RGL2: variants seen among roughly 807,000 people sequenced by gnomAD.
RGL2 encodes the protein ral guanine nucleotide dissociation stimulator-like 2.
In RGL2, 40 loss-of-function variants were observed where a neutral mutation model predicts 84.6. The ratio of observed to expected loss-of-function variants is 0.47; its 90% CI spans 0.37 to 0.62. The LOEUF is 0.62. Ranked by LOEUF, RGL2 falls within the 20% of genes least tolerant of loss-of-function variation. RGL2 has a pLI of 0.00. For synonymous variants in RGL2, 369 were observed against 417.3 expected, an observed-to-expected ratio of 0.88 and a Z score of 1.41; for missense variants, 865 against 1,019.7, an observed-to-expected ratio of 0.85 and a Z score of 2.07.
rs202209794 is a variant in RGL2, at chr6:33,295,314, C to T, written c.1124+5G>A. 72 of 1,567,512 alleles carry T rather than the reference C, an allele frequency of 4.6e-5. No individual in the cohort carries two copies. In the Admixed American group the frequency reaches 5.1e-4, roughly 11 times the overall value. The stretch of plus-strand genomic sequence containing the variant: ...CACCCCAGTCCAATGCCTCAGCCTC[C>T]GCACCTGGTTGCTTCCCCCCAGGCT... On this transcript the variant is annotated splice_donor_5th_base_variant and intron_variant, in intron 8 of 17. Transcript: ENST00000497454. This position sits in a 1 kb window ranked among gnomAD's most constrained non-coding sequence, Gnocchi z 7.2.
rs754688142 is a variant in RGL2 at position 33,296,627 on chromosome 6, C to T, written c.390G>A (p.Thr130=). The T allele has an allele frequency of 2.5e-6, 4 of 1,613,720 alleles. No individual in the cohort carries two copies. The highest frequency in any genetic ancestry group is 1.1e-5 in the South Asian group (1 of 91,050). The change falls in exon 4 of 18, where the codon ACG becomes ACA. Residue 130 remains threonine, a synonymous_variant. Coordinates refer to ENST00000497454, the MANE Select transcript of RGL2 (RefSeq NM_004761.5). This position sits in a 1 kb window ranked among gnomAD's most constrained non-coding sequence, Gnocchi z 5.0. ...CAGCCATAAGCCCTAGCAAGGCAGG[C>T]GTGGAGGTGAAGGCCCGGTGGGTAG... ...FLATHRAFTS[T]PALLGLMADR...
In RGL2 at chr6:33,295,128, T is replaced by C. The variant is rs775095711; in HGVS notation, c.1208A>G (p.Gln403Arg). 5.6e-6 allele frequency: 9 copies of C among 1,606,780 alleles called. No homozygotes were observed. Among genetic ancestry groups the C allele is most frequent in the Non-Finnish European group, 7.6e-6 (9 of 1,176,504 alleles). The change falls in exon 9 of 18, where the codon CAG (glutamine) becomes CGG (arginine). Residue 403 changes from glutamine to arginine, a missense_variant and splice_region_variant. Transcript: ENST00000497454. This position sits in a 1 kb window ranked among gnomAD's most constrained non-coding sequence, Gnocchi z 7.2. ...GAATGCCACAAACCAGGCTCTCACC[T>C]GCACGAGCAGCTCCCGACTCTGGGA... The part of the protein sequence containing the change: ...NYSQSRELLV[Q>R]EVKLQSPLEP...
At position 33,298,634 on chromosome 6, in the gene RGL2, G is replaced by A; in HGVS notation, c.-24C>T. The A allele has an allele frequency of 7.0e-7, 1 of 1,436,172 alleles. No individual in the cohort carries two copies. Among genetic ancestry groups the A allele is most frequent in the Non-Finnish European group, 9.1e-7 (1 of 1,094,506 alleles). 89.0% of individuals were successfully genotyped at this position (1,436,172 alleles called of 1,614,324 possible). A position where few individuals can be genotyped will look rare whatever the true frequency, so the allele number is the denominator to read the frequency against. ...ATGGCCGAGTGAAGGAATCAGCGGGGTCGGGCCATGGGGGCGCCTGGGGAG... is the reference window on the plus strand; with the variant it reads ...ATGGCCGAGTGAAGGAATCAGCGGGATCGGGCCATGGGGGCGCCTGGGGAG... On this transcript the variant is annotated 5_prime_UTR_variant, in exon 2 of 18. Coordinates refer to ENST00000497454, the MANE Select transcript of RGL2 (RefSeq NM_004761.5). This position sits in a 1 kb window ranked among gnomAD's most constrained non-coding sequence, Gnocchi z 4.8.
In RGL2 at chr6:33,293,072, T is replaced by TA; in HGVS notation, c.1950dup (p.Ile651TyrfsTer16). On this transcript the variant is annotated frameshift_variant, in exon 16 of 18. Coordinates refer to ENST00000497454, the MANE Select transcript of RGL2 (RefSeq NM_004761.5). LOFTEE classifies it high-confidence loss of function. This position sits in a 1 kb window ranked among gnomAD's most constrained non-coding sequence, Gnocchi z 7.0. ...CCCAACTCCATCTGGACTCGGATGATACGGCAATCAGAGGCCCCTGGCCCA... is the reference window on the plus strand; with the variant it reads ...CCCAACTCCATCTGGACTCGGATGATAACGGCAATCAGAGGCCCCTGGCCCA... The TA allele has an allele frequency of 6.2e-7, 1 of 1,614,186 alleles. No individual in the cohort carries two copies. Among genetic ancestry groups the TA allele is most frequent in the African/African-American group, 1.3e-5 (1 of 75,054 alleles).
chr6:33,298,569 G>A lies in RGL2; in HGVS notation c.42C>T (p.Pro14=). 1 of 1,470,736 alleles carries A rather than the reference G, an allele frequency of 6.8e-7. No individual in the cohort carries two copies. The allele number at this position is 1,470,736 out of a possible 1,614,324, so 91.1% of individuals were successfully genotyped here. A position where few individuals can be genotyped will look rare whatever the true frequency, so the allele number is the denominator to read the frequency against. The change falls in exon 2 of 18, where the codon CCC becomes CCT. Residue 14 remains proline (P), a synonymous_variant. Coordinates refer to ENST00000497454, the MANE Select transcript of RGL2 (RefSeq NM_004761.5). This position sits in a 1 kb window ranked among gnomAD's most constrained non-coding sequence, Gnocchi z 4.8. ...RPLRLLLDTS[P]PGGVVLSSFR... ...AGCTGCTCAGTACGACTCCCCCGGG[G>A]GGGCTCGTGTCCAAAAGCAGCCGCA...
chr6:33,294,139 C>T lies in RGL2; in HGVS notation c.1354-73G>A, dbSNP rs1164165292. 1 of 1,539,846 alleles carries T rather than the reference C, an allele frequency of 6.5e-7. No individual in the cohort carries two copies. Among genetic ancestry groups the T allele is most frequent in the African/African-American group, 1.4e-5 (1 of 73,134 alleles). On this transcript the variant is annotated intron_variant, in intron 11 of 17. Transcript: ENST00000497454. The surrounding 1 kb of genome is among the most constrained non-coding windows in gnomAD (Gnocchi z 5.0). Reference sequence around the variant, plus strand: ...GCCACAGAGAGAGAATATCCCCTCTCTTAAACACACACAGCCACATCCAAC... The same window carrying T: ...GCCACAGAGAGAGAATATCCCCTCTTTTAAACACACACAGCCACATCCAAC...
At position 33,298,572 on chromosome 6, in the gene RGL2, G is replaced by A. The variant is rs953751652; in HGVS notation, c.39C>T (p.Ser13=). 7 of 1,469,146 alleles carry A rather than the reference G, an allele frequency of 4.8e-6. No homozygotes were observed. Among genetic ancestry groups the A allele is most frequent in the Non-Finnish European group, 4.5e-6 (5 of 1,110,360 alleles). The allele number at this position is 1,469,146 out of a possible 1,614,324, so 91.0% of individuals were successfully genotyped here. Residue 13 remains serine, a synonymous_variant, in exon 2 of 18, where the codon AGC becomes AGT. Transcript: ENST00000497454. The surrounding 1 kb of genome is among the most constrained non-coding windows in gnomAD (Gnocchi z 4.8). ...TGCTCAGTACGACTCCCCCGGGGGG[G>A]CTCGTGTCCAAAAGCAGCCGCAGGG... The part of the protein sequence containing the change: ...PRPLRLLLDT[S]PPGGVVLSSF...
rs368396447 is a variant in RGL2 at position 33,292,071 on chromosome 6, A to G, written c.*31T>C. 4.4e-5 allele frequency: 71 copies of G among 1,611,004 alleles called. No individual in the cohort carries two copies. In the African/African-American group the frequency reaches 8.0e-4, roughly 18 times the overall value. On this transcript the variant is annotated 3_prime_UTR_variant, in exon 18 of 18. Coordinates refer to ENST00000497454, the MANE Select transcript of RGL2 (RefSeq NM_004761.5). ...GCTACCCACATCTGGTATGAACACC[A>G]TGACTTCTGTAAGCCAACGGGGCTT...
chr6:33,299,071 G>A (rs951267681), upstream of RGL2: 4 of 153,726 alleles, frequency 2.6e-5, no homozygotes, highest in African/African-American at 9.6e-5. The surrounding 1 kb of genome is among the most constrained non-coding windows in gnomAD (Gnocchi z 5.0). Flanking sequence ...AGTGAGGACA[G>A]GAGCCAGGGC....
chr6:33,298,616 A>G lies in RGL2; in HGVS notation c.-6T>C. 1 of 1,361,672 alleles carries G rather than the reference A, an allele frequency of 7.3e-7. No homozygotes were observed. Among genetic ancestry groups the G allele is most frequent in the South Asian group, 1.4e-5 (1 of 71,068 alleles). The allele number at this position is 1,361,672 out of a possible 1,614,324, so 84.3% of individuals were successfully genotyped here. On this transcript the variant is annotated 5_prime_UTR_variant, in exon 2 of 18. Transcript: ENST00000497454. This position sits in a 1 kb window ranked among gnomAD's most constrained non-coding sequence, Gnocchi z 4.8. ...CGCAGGGGCCGCGGGAGCATGGCCG[A>G]GTGAAGGAATCAGCGGGGTCGGGCC...
chr6:33,298,834 C>A lies in RGL2; in HGVS notation c.-42+36G>T. 2.6e-6 allele frequency: 1 copy of A among 380,866 alleles called. No homozygotes were observed. The highest frequency in any genetic ancestry group is 4.6e-6 in the Non-Finnish European group (1 of 218,024). 23.6% of individuals were successfully genotyped at this position (380,866 alleles called of 1,614,324 possible). ...GTGCTGTTGGGGAAGGAGGAGGTCA[C>A]GAGTACGGGGACGCGCAGGGTGCTC... On this transcript the variant is annotated intron_variant, in intron 1 of 17. Transcript: ENST00000497454. This position sits in a 1 kb window ranked among gnomAD's most constrained non-coding sequence, Gnocchi z 4.8.
chr6:33,298,208 G>A lies in RGL2; in HGVS notation c.156+247C>T. 1 of 433,336 alleles carries A rather than the reference G, an allele frequency of 2.3e-6. No individual in the cohort carries two copies. The highest frequency in any genetic ancestry group is 4.2e-6 in the Non-Finnish European group (1 of 236,450). 26.8% of individuals were successfully genotyped at this position (433,336 alleles called of 1,614,324 possible). ...AGAGGTGGAGGGCCAAAGACCCGCAGGGACAGGACAGCCAGCCAGAAGTTC... is the reference window on the plus strand; with the variant it reads ...AGAGGTGGAGGGCCAAAGACCCGCAAGGACAGGACAGCCAGCCAGAAGTTC... On this transcript the variant is annotated intron_variant, in intron 2 of 17. Transcript: ENST00000497454. This position sits in a 1 kb window ranked among gnomAD's most constrained non-coding sequence, Gnocchi z 4.8.
Position 33,296,157 on chromosome 6 carries a change from G to C in RGL2, c.639C>G (p.Ser213=). The change falls in exon 6 of 18, where the codon TCC becomes TCG. Residue 213 remains serine, a synonymous_variant. Transcript: ENST00000497454. This position sits in a 1 kb window ranked among gnomAD's most constrained non-coding sequence, Gnocchi z 5.0. ...GGTCGGGGGCCTGGGGGTCCACCCG[G>C]GACCGGAGATTGCGGATGAGGTCAG... ...GSADLIRNLR[S]RVDPQAPDLP... is the part of the protein sequence containing the mutation. 1 of 1,614,006 alleles carries C rather than the reference G, an allele frequency of 6.2e-7. No individual in the cohort carries two copies. Among genetic ancestry groups the C allele is most frequent in the Non-Finnish European group, 8.5e-7 (1 of 1,180,016 alleles).
In RGL2 at chr6:33,298,457, C is replaced by A. The variant is rs1184138360; in HGVS notation, c.154G>T (p.Glu52Ter). ...ACCTCCCACCACCCGCGTCTCACCT[C>A]TTCTTCTTCCTCCTCCTCTTCCTCC... ...GQEEEEEEEE[E>*]APVSVWDEEE... The change falls in exon 2 of 18, where the codon GAG becomes TAG. Residue 52 changes from glutamate to a stop codon, truncating the protein, a stop_gained and splice_region_variant. Transcript: ENST00000497454. LOFTEE classifies it high-confidence loss of function. This position sits in a 1 kb window ranked among gnomAD's most constrained non-coding sequence, Gnocchi z 4.8. 2 of 1,486,240 alleles carry A rather than the reference C, an allele frequency of 1.3e-6. No homozygotes were observed. Among genetic ancestry groups the A allele is most frequent in the South Asian group, 1.2e-5 (1 of 82,374 alleles). 92.1% of individuals were successfully genotyped at this position (1,486,240 alleles called of 1,614,324 possible). A position where few individuals can be genotyped will look rare whatever the true frequency, so the allele number is the denominator to read the frequency against.
chr6:33,298,967 C>G (rs2150949280), upstream of RGL2: 1 of 199,140 alleles, frequency 5.0e-6, no homozygotes, highest in South Asian at 1.5e-4. The surrounding 1 kb of genome is among the most constrained non-coding windows in gnomAD (Gnocchi z 4.8). Context: ...TCCGTACCCC[C>G]TTGAACCCCC....
In RGL2 at chr6:33,296,538, T is replaced by C; in HGVS notation, c.419+60A>G. 2 of 1,585,836 alleles carry C rather than the reference T, an allele frequency of 1.3e-6. No homozygotes were observed. The highest frequency in any genetic ancestry group is 1.7e-6 in the Non-Finnish European group (2 of 1,164,878). ...TGGCTTTGACTATTTTGGTGGGATG[T>C]TGCGGCTTTAGGAAATCCGGGCAGA... On this transcript the variant is annotated intron_variant, in intron 4 of 17. Coordinates refer to ENST00000497454, the MANE Select transcript of RGL2 (RefSeq NM_004761.5). The surrounding 1 kb of genome is among the most constrained non-coding windows in gnomAD (Gnocchi z 5.0).
In RGL2 at chr6:33,294,964, G is replaced by T; in HGVS notation, c.1278+13C>A. On this transcript the variant is annotated intron_variant, in intron 10 of 17. Transcript: ENST00000497454. This position sits in a 1 kb window ranked among gnomAD's most constrained non-coding sequence, Gnocchi z 5.0. ...TCACCACCCCCACGCCCACCACCCCGCTAGTCACTCACCCCACCCCGGGAG... is the reference window on the plus strand; with the variant it reads ...TCACCACCCCCACGCCCACCACCCCTCTAGTCACTCACCCCACCCCGGGAG... 5 of 1,485,992 alleles carry T rather than the reference G, an allele frequency of 3.4e-6. No homozygotes were observed. The highest frequency in any genetic ancestry group is 4.5e-6 in the Non-Finnish European group (5 of 1,100,896). 92.1% of individuals were successfully genotyped at this position (1,485,992 alleles called of 1,614,324 possible).
In RGL2 at chr6:33,295,442, G is replaced by A; in HGVS notation, c.1021-20C>T. On this transcript the variant is annotated intron_variant, in intron 7 of 17. Transcript: ENST00000497454. The surrounding 1 kb of genome is among the most constrained non-coding windows in gnomAD (Gnocchi z 7.2). The stretch of plus-strand genomic sequence containing the variant: ...GCACTCCTGTGGGGGTCAAAGAAGA[G>A]AGCTAAGGCTATGGGAGGCCTCTCC... The A allele has an allele frequency of 6.2e-7, 1 of 1,613,282 alleles. No homozygotes were observed. The highest frequency in any genetic ancestry group is 8.5e-7 in the Non-Finnish European group (1 of 1,179,996).
rs1767577325 is a variant in RGL2 at position 33,293,048 on chromosome 6, C to T, written c.1975G>A (p.Gly659Arg). ...CRIIRVQMEL[G>R]EDGSVYKSIL... Reference sequence around the variant, plus strand: ...CTCTTATAGACACTGCCATCTTCCCCCAACTCCATCTGGACTCGGATGATA... The same window carrying T: ...CTCTTATAGACACTGCCATCTTCCCTCAACTCCATCTGGACTCGGATGATA... The change falls in exon 16 of 18, where the codon GGG becomes AGG. Residue 659 changes from glycine (G) to arginine (R), a missense_variant. Gly to Arg is a moderately radical substitution (Grantham distance 125). Coordinates refer to ENST00000497454, the MANE Select transcript of RGL2 (RefSeq NM_004761.5). The surrounding 1 kb of genome is among the most constrained non-coding windows in gnomAD (Gnocchi z 7.0). 6.2e-7 allele frequency: 1 copy of T among 1,614,208 alleles called. No individual in the cohort carries two copies. The highest frequency in any genetic ancestry group is 1.3e-5 in the African/African-American group (1 of 75,070).
Sources: gnomAD v4.1 joint callset for allele counts on GRCh38, gnomAD v4.1.1 for gene constraint, Gnocchi (gnomAD v3.1) non-coding constraint, MANE v1.5 for transcripts, NCBI Gene and HGNC (gene_info 2026-07-23, HGNC 2026-07-21) for gene names.